PEAK1: variants seen among roughly 807,000 people sequenced by gnomAD.
The protein encoded by PEAK1 is inactive tyrosine-protein kinase PEAK1.
A neutral mutation model predicts 124.7 loss-of-function variants in PEAK1; 54 were observed. The observed-to-expected ratio is 0.43, with a 90% CI of 0.35 to 0.54. PEAK1 has a LOEUF of 0.54. Among genes scored for constraint, PEAK1 ranks in the 20% least tolerant of loss-of-function variants. The pLI is 0.01. For synonymous variants in PEAK1, 719 were observed against 760.0 expected (o/e 0.95, Z 0.89); for missense variants, 2,046 against 2,134.5 (o/e 0.96, Z 0.82).
At chr15:77,413,897 C>G (rs1343573802) in intron 1 of PEAK1, among the ~76,000 whole-genome samples, 1 of 152,130 alleles carries the variant, frequency 6.6e-6, no homozygotes, top group African/African-American at 2.4e-5. Flanking sequence ...AATCATGGCT[C>G]ACTACAGCCT....
Position 77,109,757 on chromosome 15 carries a change from G to A in PEAK1, c.*4399C>T, listed in dbSNP as rs1414761647. ...CATCCTGTTCACTCATTAGGCTGGAGCGGAATTTTCAATCCTTGTCAACTA... is the reference window on the plus strand; with the variant it reads ...CATCCTGTTCACTCATTAGGCTGGAACGGAATTTTCAATCCTTGTCAACTA... On this transcript the variant is annotated 3_prime_UTR_variant, in exon 10 of 10. Coordinates refer to ENST00000682557, the MANE Select transcript of PEAK1 (RefSeq NM_001385026.1). 6.6e-6 allele frequency: 1 copy of A among 152,198 alleles called. No individual in the cohort carries two copies. Among genetic ancestry groups the A allele is most frequent in the Admixed American group, 6.5e-5 (1 of 15,284 alleles). The allele number at this position is 152,198 out of a possible 1,614,324, so 9.4% of individuals were successfully genotyped here. A position where few individuals can be genotyped will look rare whatever the true frequency, so the allele number is the denominator to read the frequency against.
At chr15:77,393,245 G>A (rs1209293479) in intron 1 of PEAK1, among the ~76,000 whole-genome samples, 1 of 152,130 alleles carries the variant, frequency 6.6e-6, no homozygotes, top group Non-Finnish European at 1.5e-5. Flanking sequence ...GCTGGGTTTG[G>A]AGCCAGTGGA....
intron 1 of PEAK1, among the ~76,000 whole-genome samples, chr15:77,414,207 C>CTTTTT (rs71145827): frequency 1.5e-5 from 1 of 67,922 alleles, no homozygotes; most frequent in African/African-American, 4.4e-5. Context: ...TTCTTTCCTT[C>CTTTTT]TTTTTTTTTT....
chr15:77,381,656 C>T (rs866471263), intron 1 of PEAK1, among the ~76,000 whole-genome samples: 1 of 152,184 alleles, frequency 6.6e-6, no homozygotes, highest in African/African-American at 2.4e-5. Flanking sequence ...CAACACTCTA[C>T]TCTCCCAACA....
intron 2 of PEAK1, chr15:77,331,276 T>C (rs1026873260): frequency 8.5e-5 from 13 of 153,262 alleles, no homozygotes; most frequent in African/African-American, 2.9e-4. Flanking sequence ...ACTACAGGCA[T>C]GTGCCACCAC....
At chr15:77,413,392 C>A (rs994498190) in intron 1 of PEAK1, among the ~76,000 whole-genome samples, 1 of 152,084 alleles carries the variant, frequency 6.6e-6, no homozygotes, top group East Asian at 1.9e-4. Flanking sequence ...CAGAAACCAC[C>A]GTAACAGAGT....
intron 1 of PEAK1, among the ~76,000 whole-genome samples, chr15:77,389,504 G>A (rs1374694760): frequency 6.6e-6 from 1 of 152,110 alleles, no homozygotes; most frequent in Non-Finnish European, 1.5e-5. Flanking sequence ...AAAAAGAAAC[G>A]TAACAAAGCT....
chr15:77,119,887 G>A (rs1223176819), intron 9 of PEAK1, among the ~76,000 whole-genome samples: 2 of 152,190 alleles, frequency 1.3e-5, no homozygotes, highest in East Asian at 1.9e-4. Context: ...GGCTTTGACT[G>A]TAAAGTCCCA....
intron 6 of PEAK1, among the ~76,000 whole-genome samples, chr15:77,185,402 G>C (rs181849366): frequency 6.6e-6 from 1 of 152,278 alleles, no homozygotes; most frequent in Admixed American, 6.5e-5. Flanking sequence ...AGGGAGAAGG[G>C]GCTACTTCCT....
At chr15:77,344,262 T>C (rs1337967149) in intron 2 of PEAK1, among the ~76,000 whole-genome samples, 1 of 151,966 alleles carries the variant, frequency 6.6e-6, no homozygotes, top group African/African-American at 2.4e-5. Flanking sequence ...GCCCGGCTAA[T>C]TTTTTGTATT....
At chr15:77,410,027 A>G (rs1054088565) in intron 1 of PEAK1, among the ~76,000 whole-genome samples, 1 of 151,206 alleles carries the variant, frequency 6.6e-6, no homozygotes, top group Non-Finnish European at 1.5e-5. Context: ...CTTGAAAGAC[A>G]GTAATCGTGG....
At chr15:77,318,492 C>A (rs993674085) in intron 2 of PEAK1, among the ~76,000 whole-genome samples, 5 of 151,990 alleles carry the variant, frequency 3.3e-5, no homozygotes, top group African/African-American at 1.2e-4. Flanking sequence ...AAGAAAAATA[C>A]CACAGAGGAG....
chr15:77,379,162 G>A (rs1358231507), intron 1 of PEAK1, among the ~76,000 whole-genome samples: 3 of 152,140 alleles, frequency 2.0e-5, no homozygotes, highest in Non-Finnish European at 4.4e-5. Flanking sequence ...AAAATCTGAA[G>A]TTATACATTT....
At chr15:77,335,694 T>C (rs1172020165) in intron 2 of PEAK1, 1 of 844,526 alleles carries the variant, frequency 1.2e-6, no homozygotes, top group Non-Finnish European at 1.4e-6. Context: ...CTGACCCATG[T>C]TGCCCAGGCT....
rs2061765005 is a variant in PEAK1 at position 77,266,892 on chromosome 15, T to C, written c.-274-14366A>G. On this transcript the variant is annotated intron_variant, in intron 5 of 9. Transcript: ENST00000682557. ...TGTGGGACAGCCAAGGAACTCTGAG[T>C]CAGCTTGTTTTCTCAGTGGGGAGGC... 2.0e-5 allele frequency among the ~76,000 whole-genome samples: 3 copies of C among 151,886 alleles called. 1 individual carries two copies. The South Asian group carries it at 6.3e-4, about 32-fold the overall frequency.
intron 5 of PEAK1, among the ~76,000 whole-genome samples, chr15:77,282,172 C>T (rs751108043): frequency 6.6e-6 from 1 of 152,128 alleles, no homozygotes; most frequent in Non-Finnish European, 1.5e-5. Context: ...CATACATATA[C>T]ACACAAATCA....
chr15:77,174,388 G>C (rs1567063554), intron 7 of PEAK1, among the ~76,000 whole-genome samples: 1 of 152,062 alleles, frequency 6.6e-6, no homozygotes. Flanking sequence ...CCAGCCGTGG[G>C]GTGGTAATTT....
At position 77,114,352 on chromosome 15, in the gene PEAK1, G is replaced by A; in HGVS notation, c.5045C>T (p.Pro1682Leu). Reference protein sequence around the residue: ...EDLFQTFTACPSLVQRNTLLQ... With the variant: ...EDLFQTFTACLSLVQRNTLLQ... ...CAGGGTGTTCCTCTGTACTAGGCTAGGGCAGGCGGTGAAAGTCTGGAAGAG... is the reference window on the plus strand; with the variant it reads ...CAGGGTGTTCCTCTGTACTAGGCTAAGGCAGGCGGTGAAAGTCTGGAAGAG... The change falls in exon 10 of 10, where the codon CCT becomes CTT. Residue 1682 changes from proline to leucine, a missense_variant. Coordinates refer to ENST00000682557, the MANE Select transcript of PEAK1 (RefSeq NM_001385026.1). 1 of 1,614,224 alleles carries A rather than the reference G, an allele frequency of 6.2e-7. No individual in the cohort carries two copies. The highest frequency in any genetic ancestry group is 8.5e-7 in the Non-Finnish European group (1 of 1,180,032).
intron 6 of PEAK1, among the ~76,000 whole-genome samples, chr15:77,187,092 T>C (rs1451341493): frequency 5.3e-5 from 8 of 152,186 alleles, no homozygotes; most frequent in Admixed American, 2.0e-4. Context: ...AATGGAATGT[T>C]TGATAAGAAA....
Sources: allele counts gnomAD v4.1 joint callset (sites outside exome capture counted in the v4.1 genomes callset), GRCh38; gene constraint gnomAD v4.1.1; transcripts MANE v1.5; gene names NCBI Gene and HGNC (gene_info 2026-07-23, HGNC 2026-07-21).